Variants in TRABD2B observed in about 807,000 individuals in gnomAD.
The protein encoded by TRABD2B is TraB domain containing 2B.
A neutral mutation model predicts 40.1 loss-of-function variants in TRABD2B; 14 were observed. That is an observed-to-expected ratio of 0.35 (90% CI 0.23 to 0.55). TRABD2B has a LOEUF of 0.55. Among genes scored for constraint, TRABD2B ranks in the 20% least tolerant of loss-of-function variants. TRABD2B has a pLI of 0.90. For missense variants in TRABD2B, 541 were observed against 648.6 expected, an observed-to-expected ratio of 0.83 and a Z score of 1.80; for synonymous variants, 263 against 277.0, an observed-to-expected ratio of 0.95 and a Z score of 0.50.
At chr1:47,890,363 G>A (rs2124648906) in intron 2 of TRABD2B, among the ~76,000 whole-genome samples, 1 of 152,310 alleles carries the variant, frequency 6.6e-6, no homozygotes, top group Admixed American at 6.5e-5. Context: ...TCATGGAGGT[G>A]GCAGGTACAG....
chr1:47,915,606 C>T (rs1184349418), intron 2 of TRABD2B, among the ~76,000 whole-genome samples: 3 of 152,154 alleles, frequency 2.0e-5, no homozygotes, highest in African/African-American at 4.8e-5. Context: ...GATTCAAAGC[C>T]GGTGATTTAG....
chr1:47,967,579 A>G (rs918331384), intron 2 of TRABD2B, among the ~76,000 whole-genome samples: 1 of 152,230 alleles, frequency 6.6e-6, no homozygotes, highest in African/African-American at 2.4e-5. Flanking sequence ...CAAAAGATTA[A>G]AAACAACCAA....
At chr1:47,864,589 C>G (rs900838103) in intron 2 of TRABD2B, among the ~76,000 whole-genome samples, 2 of 152,168 alleles carry the variant, frequency 1.3e-5, no homozygotes, top group Non-Finnish European at 2.9e-5. Flanking sequence ...CCAGAGTGAT[C>G]TGAAGTAGCC....
chr1:47,918,172 C>T lies in TRABD2B; in HGVS notation c.666+75862G>A, dbSNP rs142334626. Among the ~76,000 whole-genome samples, 182 of 152,306 alleles carry T rather than the reference C, an allele frequency of 1.2e-3. 1 individual carries two copies. Among genetic ancestry groups the T allele is most frequent in the African/African-American group, 4.2e-3 (173 of 41,566 alleles). ...GCCCTGAGTGGACCTGAGACCCTGG[C>T]AGTACCACACTGCATGGAAGGCAAG... On this transcript the variant is annotated intron_variant, in intron 2 of 6. Transcript: ENST00000606738.
chr1:47,993,847 A>G (rs1646048106), intron 2 of TRABD2B, among the ~76,000 whole-genome samples, 187 bp downstream of exon 2: 3 of 152,146 alleles, frequency 2.0e-5, no homozygotes, highest in Admixed American at 2.0e-4. Context: ...ATTCCAGTAT[A>G]CGCCACTCTC....
At chr1:47,851,117 G>A (rs1645544658) in intron 2 of TRABD2B, among the ~76,000 whole-genome samples, 1 of 152,114 alleles carries the variant, frequency 6.6e-6, no homozygotes, top group Non-Finnish European at 1.5e-5. Context: ...GGAGACCCCT[G>A]TTCTATATGA....
intron 6 of TRABD2B, among the ~76,000 whole-genome samples, chr1:47,771,558 A>T (rs1644377852): frequency 6.6e-6 from 1 of 152,134 alleles, no homozygotes; most frequent in East Asian, 1.9e-4. Flanking sequence ...AGCTGGCATG[A>T]CCTCCAAAGA....
chr1:47,876,181 G>A (rs1452840922), intron 2 of TRABD2B, among the ~76,000 whole-genome samples: 1 of 152,160 alleles, frequency 6.6e-6, no homozygotes, highest in Non-Finnish European at 1.5e-5. Flanking sequence ...GAACAAGCGC[G>A]TCACCCTCTC....
At chr1:47,892,975 C>G (rs1396638700) in intron 2 of TRABD2B, among the ~76,000 whole-genome samples, 2 of 152,142 alleles carry the variant, frequency 1.3e-5, no homozygotes, top group Admixed American at 6.5e-5. Context: ...AAAAGGTAAG[C>G]TGGTGGGGAG....
At chr1:47,886,187 T>TGATTCATC (rs1421582190) in intron 2 of TRABD2B, among the ~76,000 whole-genome samples, 1 of 152,146 alleles carries the variant, frequency 6.6e-6, no homozygotes, top group African/African-American at 2.4e-5. Context: ...AGTTCAAACC[T>TGATTCATC]GATTCATCAT....
chr1:47,772,008 C>T (rs1277389280), intron 6 of TRABD2B, among the ~76,000 whole-genome samples: 1 of 152,054 alleles, frequency 6.6e-6, no homozygotes, highest in Non-Finnish European at 1.5e-5. Context: ...AGTGAGGACT[C>T]GCAGTCTGTG....
intron 2 of TRABD2B, among the ~76,000 whole-genome samples, chr1:47,841,205 C>T (rs1015912494): frequency 6.6e-6 from 1 of 152,196 alleles, no homozygotes; most frequent in African/African-American, 2.4e-5. Context: ...TTACCTGCTG[C>T]CTGCACCCAT....
chr1:47,961,236 T>A (rs1645509911), intron 2 of TRABD2B, among the ~76,000 whole-genome samples: 1 of 152,224 alleles, frequency 6.6e-6, no homozygotes, highest in African/African-American at 2.4e-5. Context: ...GACTTACATG[T>A]TAGACCTAAA....
At chr1:47,883,870 G>A (rs1467917191) in intron 2 of TRABD2B, among the ~76,000 whole-genome samples, 2 of 152,284 alleles carry the variant, frequency 1.3e-5, no homozygotes, top group African/African-American at 4.8e-5. Flanking sequence ...CAAAGCATCT[G>A]GGAGGTCCAT....
intron 2 of TRABD2B, among the ~76,000 whole-genome samples, chr1:47,804,848 AG>A (rs911995910): frequency 1.3e-5 from 2 of 152,192 alleles, no homozygotes; most frequent in African/African-American, 4.8e-5. Flanking sequence ...TGTTTTCCAA[AG>A]GAATCTTACT....
intron 2 of TRABD2B, among the ~76,000 whole-genome samples, chr1:47,896,244 A>G (rs1204215965): frequency 6.6e-6 from 1 of 152,212 alleles, no homozygotes; most frequent in African/African-American, 2.4e-5. Context: ...GAGGGAAGCC[A>G]GCGGAGGCTT....
chr1:47,935,631 T>G (rs17425952), intron 2 of TRABD2B, among the ~76,000 whole-genome samples: 10,295 of 152,314 alleles, frequency 0.068, 453 homozygotes, highest in Non-Finnish European at 0.086. Flanking sequence ...AACAAGCAAG[T>G]AAGATAGGAC....
intron 2 of TRABD2B, among the ~76,000 whole-genome samples, chr1:47,897,167 G>T (rs1231962903): frequency 1.3e-5 from 2 of 152,194 alleles, no homozygotes; most frequent in African/African-American, 4.8e-5. Flanking sequence ...TTTAAATGGA[G>T]CAGTCATTGA....
chr1:47,974,906 C>T (rs1645733461), intron 2 of TRABD2B, among the ~76,000 whole-genome samples: 1 of 152,142 alleles, frequency 6.6e-6, no homozygotes, highest in Non-Finnish European at 1.5e-5. Context: ...GCCTCTGTGG[C>T]CTTCCTCCCC....
Sources: allele counts gnomAD v4.1 joint callset (sites outside exome capture counted in the v4.1 genomes callset), GRCh38; gene constraint gnomAD v4.1.1; transcripts MANE v1.5; gene names NCBI Gene and HGNC (gene_info 2026-07-23, HGNC 2026-07-21).